Variants in STK32B observed in about 807,000 individuals in gnomAD.
STK32B encodes the protein serine/threonine kinase 32B, also known as serine/threonine-protein kinase 32B.
STK32B carries 43 observed loss-of-function variants against 52.6 expected under a neutral mutation model. The observed-to-expected ratio is 0.82, with a 90% CI of 0.64 to 1.05. The LOEUF is 1.05. Ranked by LOEUF, STK32B falls within the 50% of genes least tolerant of loss-of-function variation. The pLI is 0.00. For synonymous variants in STK32B, 238 were observed against 204.3 expected (o/e 1.17, Z -1.41); for missense variants, 621 against 534.6 (o/e 1.16, Z -1.59).
At chr4:5,461,650 T>C (rs1351615658) in intron 9 of STK32B, among the ~76,000 whole-genome samples, 1 of 152,218 alleles carries the variant, frequency 6.6e-6, no homozygotes, top group Non-Finnish European at 1.5e-5. Context: ...CCAGTTCACC[T>C]GGTCCAGGGC....
At chr4:5,095,570 A>G (rs4689986) in intron 1 of STK32B, among the ~76,000 whole-genome samples, 62,550 of 152,126 alleles carry the variant, frequency 0.41, 13,067 homozygotes, top group Middle Eastern at 0.46. Context: ...AGCCGAGATC[A>G]TGCCACTGCA....
intron 4 of STK32B, among the ~76,000 whole-genome samples, chr4:5,363,462 G>T (rs1041875166): frequency 6.6e-6 from 1 of 152,194 alleles, no homozygotes; most frequent in African/African-American, 2.4e-5. Flanking sequence ...GCTGTGTCCT[G>T]TGGGTTCTGG....
intron 1 of STK32B, among the ~76,000 whole-genome samples, chr4:5,091,840 G>A (rs1021458542): frequency 6.6e-6 from 1 of 152,188 alleles, no homozygotes; most frequent in Non-Finnish European, 1.5e-5. Context: ...ATAATGTGGT[G>A]TATCCTTAAA....
chr4:5,318,400 G>A (rs1731259488), intron 3 of STK32B, among the ~76,000 whole-genome samples: 2 of 151,906 alleles, frequency 1.3e-5, no homozygotes, highest in Non-Finnish European at 2.9e-5. Flanking sequence ...CTGTAGGCAA[G>A]GAGACTAGCA....
At chr4:5,241,776 T>A (rs1302936768) in intron 3 of STK32B, among the ~76,000 whole-genome samples, 1 of 152,136 alleles carries the variant, frequency 6.6e-6, no homozygotes, top group Non-Finnish European at 1.5e-5. Context: ...GCTTCCTGTG[T>A]CCATGTGTTC....
chr4:5,231,935 A>G (rs1437178648), intron 3 of STK32B, among the ~76,000 whole-genome samples: 1 of 152,218 alleles, frequency 6.6e-6, no homozygotes, highest in Non-Finnish European at 1.5e-5. Flanking sequence ...GAGGACAAAG[A>G]TACACAGAAG....
At chr4:5,274,960 A>G (rs1469987309) in intron 3 of STK32B, among the ~76,000 whole-genome samples, 3 of 152,160 alleles carry the variant, frequency 2.0e-5, no homozygotes, top group African/African-American at 7.2e-5. Flanking sequence ...GCCTGGGTTC[A>G]TCCTAATTGA....
chr4:5,183,127 TAA>T (rs1720481635), intron 3 of STK32B, among the ~76,000 whole-genome samples: 1 of 152,164 alleles, frequency 6.6e-6, no homozygotes, highest in African/African-American at 2.4e-5. Flanking sequence ...GGCTTCAACT[TAA>T]AGTCACCGAC....
At chr4:5,171,144 T>G (rs1409897257) in intron 3 of STK32B, among the ~76,000 whole-genome samples, 1 of 151,802 alleles carries the variant, frequency 6.6e-6, no homozygotes, top group African/African-American at 2.4e-5. Flanking sequence ...GCCCACTTTT[T>G]GATGGGGTTG....
At chr4:5,115,852 A>G (rs1466801031) in intron 1 of STK32B, among the ~76,000 whole-genome samples, 1 of 152,218 alleles carries the variant, frequency 6.6e-6, no homozygotes, top group Non-Finnish European at 1.5e-5. Flanking sequence ...GAACGACACC[A>G]GCATGAAACA....
chr4:5,340,945 CAG>C (rs1248795054), intron 4 of STK32B, among the ~76,000 whole-genome samples: 1 of 152,130 alleles, frequency 6.6e-6, no homozygotes, highest in African/African-American at 2.4e-5. Flanking sequence ...CCCCATTTTG[CAG>C]AGAGATTGGG....
At chr4:5,206,685 T>G (rs2108781297) in intron 3 of STK32B, among the ~76,000 whole-genome samples, 1 of 152,298 alleles carries the variant, frequency 6.6e-6, no homozygotes, top group East Asian at 1.9e-4. Flanking sequence ...AAGGCCCATC[T>G]GCAAAACATT....
chr4:5,326,856 T>C (rs188297056), intron 3 of STK32B, among the ~76,000 whole-genome samples: 1 of 152,308 alleles, frequency 6.6e-6, no homozygotes, highest in Admixed American at 6.5e-5. Flanking sequence ...TCATGAAATA[T>C]TTCTCTATAG....
At chr4:5,479,428 G>A (rs190762684) in intron 11 of STK32B, among the ~76,000 whole-genome samples, 84 of 152,214 alleles carry the variant, frequency 5.5e-4, no homozygotes, top group Non-Finnish European at 2.8e-4. Context: ...CTAGTCTAGG[G>A]GAATTCTAAG....
At chr4:5,471,369 A>G (rs1046393019) in intron 11 of STK32B, among the ~76,000 whole-genome samples, 3 of 152,124 alleles carry the variant, frequency 2.0e-5, no homozygotes, top group Admixed American at 6.5e-5. Context: ...AGGTGCAGGC[A>G]TGGGGAGAAG....
At chr4:5,173,016 A>G (rs945656791) in intron 3 of STK32B, among the ~76,000 whole-genome samples, 1 of 152,134 alleles carries the variant, frequency 6.6e-6, no homozygotes, top group African/African-American at 2.4e-5. Flanking sequence ...AGAGATTCAA[A>G]TTCTTCTTGA....
At chr4:5,424,087 G>T (rs181617333) in intron 6 of STK32B, among the ~76,000 whole-genome samples, 2 of 152,110 alleles carry the variant, frequency 1.3e-5, no homozygotes, top group African/African-American at 2.4e-5. Context: ...TCAGAGTGGG[G>T]TTGTGGCCAA....
intron 11 of STK32B, 120 bp downstream of exon 11, chr4:5,468,190 C>T: frequency 1.1e-6 from 1 of 937,208 alleles, no homozygotes. Flanking sequence ...GAAGGTATCG[C>T]TGAGGTGAGA....
intron 3 of STK32B, among the ~76,000 whole-genome samples, chr4:5,323,380 G>A (rs1731652076): frequency 6.6e-6 from 1 of 152,090 alleles, no homozygotes; most frequent in Admixed American, 6.5e-5. Context: ...AGCAGAAGGG[G>A]AGCCCGAGGG....
Sources: gnomAD v4.1 joint callset for allele counts (sites outside exome capture counted in the v4.1 genomes callset) on GRCh38, gnomAD v4.1.1 for gene constraint, MANE v1.5 for transcripts, NCBI Gene and HGNC (gene_info 2026-07-23, HGNC 2026-07-21) for gene names.